ARHGAP44: variants seen among roughly 807,000 people sequenced by gnomAD.
ARHGAP44 encodes Rho GTPase activating protein 44.
ARHGAP44 carries 43 observed loss-of-function variants against 106.8 expected under a neutral mutation model. The ratio of observed to expected loss-of-function variants is 0.40; its 90% CI spans 0.32 to 0.52. The LOEUF (loss-of-function observed/expected upper bound fraction) is 0.52, where lower values mean the gene tolerates loss of function less well. Ranked by LOEUF, ARHGAP44 falls within the 20% of genes least tolerant of loss-of-function variation. The probability of loss-of-function intolerance (pLI) is 0.48; values close to 1 mark genes in which losing one functional copy is unlikely to be tolerated. For missense variants in ARHGAP44, 866 were observed against 1,050.5 expected, an observed-to-expected ratio of 0.82 and a Z score of 2.43; for synonymous variants, 439 against 410.3, an observed-to-expected ratio of 1.07 and a Z score of -0.85.
At chr17:12,956,924 G>C (rs2039143317) in intron 15 of ARHGAP44, among the ~76,000 whole-genome samples, 178 bp downstream of exon 15, 1 of 151,862 alleles carries the variant, frequency 6.6e-6, no homozygotes, top group Admixed American at 6.6e-5. Context: ...CACGTATCAG[G>C]GTGGAGTCAT....
chr17:12,855,007 A>T (rs971406855), intron 1 of ARHGAP44, among the ~76,000 whole-genome samples: 1 of 151,598 alleles, frequency 6.6e-6, no homozygotes, highest in Middle Eastern at 3.2e-3. Flanking sequence ...ATGTCCACAC[A>T]TGTCTGTATA....
intron 1 of ARHGAP44, among the ~76,000 whole-genome samples, chr17:12,812,887 A>G (rs933805643): frequency 6.6e-6 from 1 of 152,188 alleles, no homozygotes; most frequent in Non-Finnish European, 1.5e-5. Flanking sequence ...TATTTCCCTT[A>G]ACAACTTAAA....
chr17:12,979,778 G>A (rs559609600), intron 18 of ARHGAP44, among the ~76,000 whole-genome samples: 1 of 152,320 alleles, frequency 6.6e-6, no homozygotes, highest in East Asian at 1.9e-4. Flanking sequence ...CATTGCTCAC[G>A]GTCTCCTTGA....
In ARHGAP44 at chr17:12,958,720, T is replaced by C. The variant is rs964475684; in HGVS notation, c.1346T>C (p.Ile449Thr). Residue 449 changes from isoleucine (I) to threonine (T), a missense_variant, in exon 16 of 21, where the codon ATA becomes ACA. Physicochemically the swap from Ile to Thr is moderately conservative, Grantham distance 89 (BLOSUM62 -1). Transcript: ENST00000379672. This position sits in a 1 kb window ranked among gnomAD's most constrained non-coding sequence, Gnocchi z 4.1. ...ACCAATTCTTTCTTCCCCGCAGAGA[T>C]AGAGTTCAACATTACTGGCAATTAT... ...QHADWFFPGE[I>T]EFNITGNYGS... is the part of the protein sequence containing the mutation. 5 of 1,613,708 alleles carry C rather than the reference T, an allele frequency of 3.1e-6. No homozygotes were observed. In the African/African-American group the frequency reaches 6.7e-5, roughly 22 times the overall value.
intron 1 of ARHGAP44, among the ~76,000 whole-genome samples, chr17:12,806,858 C>T (rs1354279269): frequency 6.8e-6 from 1 of 148,018 alleles, no homozygotes; most frequent in African/African-American, 2.6e-5. Context: ...CACCAGACCA[C>T]CAGTGGTTCA....
chr17:12,855,346 A>G (rs1567650734), intron 1 of ARHGAP44, among the ~76,000 whole-genome samples: 1 of 152,136 alleles, frequency 6.6e-6, no homozygotes, highest in African/African-American at 2.4e-5. Flanking sequence ...CTTCCAGTCT[A>G]TTGTTTGTCA....
chr17:12,866,101 C>T (rs1676626233), intron 1 of ARHGAP44, among the ~76,000 whole-genome samples: 1 of 152,068 alleles, frequency 6.6e-6, no homozygotes, highest in Non-Finnish European at 1.5e-5. Flanking sequence ...AATGTTTCCT[C>T]TAATGGATCA....
chr17:12,948,751 C>CACACACA (rs200024961), intron 10 of ARHGAP44, among the ~76,000 whole-genome samples: 3 of 147,750 alleles, frequency 2.0e-5, no homozygotes, highest in Non-Finnish European at 3.0e-5. Context: ...CACACACACA[C>CACACACA]CCCCTGTAGA....
intron 1 of ARHGAP44, among the ~76,000 whole-genome samples, chr17:12,835,491 G>T (rs887243536): frequency 6.6e-6 from 1 of 152,154 alleles, no homozygotes; most frequent in Non-Finnish European, 1.5e-5. Context: ...TTTGTCTTCT[G>T]AGAACAGTAA....
chr17:12,890,874 C>T (rs775736689), intron 1 of ARHGAP44, among the ~76,000 whole-genome samples: 18 of 152,118 alleles, frequency 1.2e-4, no homozygotes, highest in Non-Finnish European at 2.4e-4. Context: ...AAATTTCTTC[C>T]ACCATGTATC....
intron 10 of ARHGAP44, among the ~76,000 whole-genome samples, chr17:12,946,463 T>C (rs370221295): frequency 2.2e-5 from 3 of 136,994 alleles, no homozygotes; most frequent in Non-Finnish European, 3.1e-5. Context: ...CTGGGCAACA[T>C]AGTGAGATGC....
At position 12,896,351 on chromosome 17, in the gene ARHGAP44, C is replaced by A; in HGVS notation, c.94-56C>A. 7.6e-6 allele frequency: 11 copies of A among 1,443,404 alleles called. No individual in the cohort carries two copies. In the South Asian group the frequency reaches 1.2e-4, roughly 16 times the overall value. 89.4% of individuals were successfully genotyped at this position (1,443,404 alleles called of 1,614,324 possible). On this transcript the variant is annotated intron_variant, in intron 2 of 20. Coordinates refer to ENST00000379672, the MANE Select transcript of ARHGAP44 (RefSeq NM_014859.6). ...GTTGTGATTGTCCACACCCACAATCCCTCCTCCCCTGACCTTGCCCTCTCT... is the reference window on the plus strand; with the variant it reads ...GTTGTGATTGTCCACACCCACAATCACTCCTCCCCTGACCTTGCCCTCTCT...
intron 1 of ARHGAP44, among the ~76,000 whole-genome samples, chr17:12,831,161 A>G (rs1597904146): frequency 1.3e-5 from 2 of 152,220 alleles, no homozygotes; most frequent in South Asian, 2.1e-4. Flanking sequence ...GAATTCTTCA[A>G]CAACTCTTGT....
intron 1 of ARHGAP44, among the ~76,000 whole-genome samples, chr17:12,842,005 T>C (rs1246362341): frequency 6.6e-6 from 1 of 152,108 alleles, no homozygotes; most frequent in Non-Finnish European, 1.5e-5. Flanking sequence ...AAAGTAATTC[T>C]GCATGACCTC....
chr17:12,912,850 G>A (rs937057738), intron 4 of ARHGAP44, among the ~76,000 whole-genome samples: 1 of 152,194 alleles, frequency 6.6e-6, no homozygotes, highest in African/African-American at 2.4e-5. Context: ...GGAGAATACC[G>A]TGACATACGT....
At chr17:12,970,891 C>T (rs2039513213) in intron 16 of ARHGAP44, among the ~76,000 whole-genome samples, 1 of 152,194 alleles carries the variant, frequency 6.6e-6, no homozygotes, top group Non-Finnish European at 1.5e-5. Flanking sequence ...TTTATCTAGA[C>T]ATTTGAACAT....
chr17:12,941,271 C>T, intron 8 of ARHGAP44, 147 bp downstream of exon 8: 1 of 676,768 alleles, frequency 1.5e-6, no homozygotes, highest in Non-Finnish European at 2.5e-6. Flanking sequence ...TCCTGCCATG[C>T]TCCTGATATG....
At chr17:12,935,233 A>G (rs188922404) in intron 7 of ARHGAP44, among the ~76,000 whole-genome samples, 273 of 152,344 alleles carry the variant, frequency 1.8e-3, no homozygotes, top group Admixed American at 5.0e-3. Flanking sequence ...TTTACTTATG[A>G]TAACAATAAA....
At position 12,973,883 on chromosome 17, in the gene ARHGAP44, C is replaced by T. The variant is rs959727841; in HGVS notation, c.1542-206C>T. ...AGTGAGGGGGCCGCTCTTGCCAGGA[C>T]TGGGCTGCCCAGGGCTGTGTCTTGG... On this transcript the variant is annotated intron_variant, in intron 17 of 20. Transcript: ENST00000379672. 6 of 614,298 alleles carry T rather than the reference C, an allele frequency of 9.8e-6. No individual in the cohort carries two copies. The African/African-American group carries it at 1.1e-4, about 12-fold the overall frequency. The allele number at this position is 614,298 out of a possible 1,614,324, so 38.1% of individuals were successfully genotyped here.
Sources: gnomAD v4.1 joint callset for allele counts (sites outside exome capture counted in the v4.1 genomes callset) on GRCh38, gnomAD v4.1.1 for gene constraint, Gnocchi (gnomAD v3.1) non-coding constraint, MANE v1.5 for transcripts, NCBI Gene and HGNC (gene_info 2026-07-23, HGNC 2026-07-21) for gene names.